Variants in MORC1 observed in about 807,000 individuals in gnomAD.
MORC1 encodes MORC family CW-type zinc finger protein 1.
Under a neutral mutation model 134.9 loss-of-function variants are expected in MORC1, and 59 were observed. The ratio of observed to expected loss-of-function variants is 0.44; its 90% CI spans 0.35 to 0.54. MORC1 has a LOEUF of 0.54. MORC1 is among the 20% of genes least tolerant of loss of function. MORC1 has a pLI of 0.00. For missense variants in MORC1, 947 were observed against 1,134.5 expected, an observed-to-expected ratio of 0.83 and a Z score of 2.37; for synonymous variants, 395 against 391.7, an observed-to-expected ratio of 1.01 and a Z score of -0.10.
At chr3:109,010,486 T>G (rs1948657552) in intron 17 of MORC1, among the ~76,000 whole-genome samples, 1 of 152,224 alleles carries the variant, frequency 6.6e-6, no homozygotes, top group Non-Finnish European at 1.5e-5. Flanking sequence ...AATTTCCTTC[T>G]GATGTGCATT....
intron 14 of MORC1, among the ~76,000 whole-genome samples, chr3:109,045,672 G>A (rs1038714029): frequency 1.3e-5 from 2 of 152,200 alleles, no homozygotes; most frequent in African/African-American, 4.8e-5. Flanking sequence ...TGGTGAAGAT[G>A]CTACAGTCCT....
chr3:109,077,814 A>G (rs930969970), intron 8 of MORC1, among the ~76,000 whole-genome samples: 3 of 152,022 alleles, frequency 2.0e-5, no homozygotes, highest in African/African-American at 7.3e-5. Context: ...AAAAGACAGA[A>G]GCAGTTAGAA....
chr3:109,071,414 T>G (rs1271803785), intron 8 of MORC1, among the ~76,000 whole-genome samples: 1 of 152,098 alleles, frequency 6.6e-6, no homozygotes. Flanking sequence ...CAGTAACTAG[T>G]TATAGGTAAA....
intron 14 of MORC1, 26 bp downstream of exon 14, chr3:109,054,702 T>C (rs748523535): frequency 6.7e-7 from 1 of 1,487,278 alleles, no homozygotes; most frequent in Non-Finnish European, 8.9e-7. Flanking sequence ...TGTAAGTATC[T>C]CCTACTATGA....
chr3:108,963,367 T>C, intron 27 of MORC1, 47 bp downstream of exon 27: 1 of 1,497,854 alleles, frequency 6.7e-7, no homozygotes, highest in South Asian at 1.2e-5. Context: ...TGAGTTCTCG[T>C]TCCATAGAGT....
intron 17 of MORC1, among the ~76,000 whole-genome samples, chr3:109,018,385 ATG>A (rs1948868047): frequency 6.6e-6 from 1 of 152,128 alleles, no homozygotes; most frequent in Non-Finnish European, 1.5e-5. Flanking sequence ...CCCTGGAAAT[ATG>A]TGTTTACATT....
Position 109,096,189 on chromosome 3 carries a change from T to G in MORC1, c.424-1121A>C, listed in dbSNP as rs146963922. Among the ~76,000 whole-genome samples the G allele has an allele frequency of 6.6e-3, 1,008 of 152,294 alleles. 15 individuals carry two copies. The highest frequency in any genetic ancestry group is 0.023 in the African/African-American group (975 of 41,558). Reference sequence around the variant, plus strand: ...AGAAAGACTTCTTGGAAATTAAGAATATGATTACAGAAAAAAATTCAGTGA... The same window carrying G: ...AGAAAGACTTCTTGGAAATTAAGAAGATGATTACAGAAAAAAATTCAGTGA... On this transcript the variant is annotated intron_variant, in intron 6 of 27. Coordinates refer to ENST00000232603, the MANE Select transcript of MORC1 (RefSeq NM_014429.4).
chr3:109,067,247 T>C lies in MORC1; in HGVS notation c.815+2385A>G, dbSNP rs140369069. ...ATGTTAATGAAGAATGTTTGTTGCC[T>C]AAAATCAAGTAACACAACCATATAA... On this transcript the variant is annotated intron_variant, in intron 9 of 27. Coordinates refer to ENST00000232603, the MANE Select transcript of MORC1 (RefSeq NM_014429.4). 4.4e-4 allele frequency among the ~76,000 whole-genome samples: 67 copies of C among 152,348 alleles called. No individual in the cohort carries two copies. The East Asian group carries it at 8.7e-3, about 20-fold the overall frequency.
At chr3:109,090,620 C>CAAAAA (rs34093019) in intron 8 of MORC1, among the ~76,000 whole-genome samples, 4 of 54,664 alleles carry the variant, frequency 7.3e-5, no homozygotes, top group Admixed American at 2.1e-4. Flanking sequence ...AACTCCGTCT[C>CAAAAA]AAAAAAAAAA....
intron 2 of MORC1, among the ~76,000 whole-genome samples, chr3:109,111,651 G>T (rs1422346651): frequency 6.6e-6 from 1 of 152,174 alleles, no homozygotes. Flanking sequence ...GCATAGGCAA[G>T]GAAGACTTAG....
intron 3 of MORC1, among the ~76,000 whole-genome samples, chr3:109,106,906 C>T (rs1377033209): frequency 6.6e-6 from 1 of 152,146 alleles, no homozygotes; most frequent in Non-Finnish European, 1.5e-5. Context: ...CCAATGCTCT[C>T]AGGATAAAAT....
chr3:109,054,642 G>T, intron 14 of MORC1, 86 bp downstream of exon 14: 1 of 1,232,514 alleles, frequency 8.1e-7, no homozygotes, highest in Non-Finnish European at 1.1e-6. Context: ...CTGGTAATCT[G>T]AATTCAGATA....
chr3:109,094,662 T>G (rs898299618), intron 7 of MORC1, among the ~76,000 whole-genome samples: 1 of 152,138 alleles, frequency 6.6e-6, no homozygotes, highest in Admixed American at 6.6e-5. Context: ...GCCTGTATCA[T>G]CCTCTTCTTA....
intron 14 of MORC1, among the ~76,000 whole-genome samples, chr3:109,039,493 C>CACCACCTAG (rs1394124544): frequency 6.6e-6 from 1 of 152,198 alleles, no homozygotes; most frequent in African/African-American, 2.4e-5. Context: ...AAGTCTGTTT[C>CACCACCTAG]ACCACCTAGA....
chr3:109,072,547 G>T (rs1035098552), intron 8 of MORC1, among the ~76,000 whole-genome samples: 1 of 152,144 alleles, frequency 6.6e-6, no homozygotes, highest in Non-Finnish European at 1.5e-5. Flanking sequence ...AAAATATGTT[G>T]AATAAATGAC....
intron 20 of MORC1, among the ~76,000 whole-genome samples, chr3:109,004,098 A>G (rs1948479939): frequency 6.6e-6 from 1 of 152,110 alleles, no homozygotes. Context: ...TAAGAATAAG[A>G]ATAATTCCTT....
chr3:109,069,976 CT>C (rs975429589), intron 8 of MORC1, among the ~76,000 whole-genome samples: 1 of 152,208 alleles, frequency 6.6e-6, no homozygotes, highest in Non-Finnish European at 1.5e-5. Context: ...ATAACCTACA[CT>C]TTGGTTACAA....
intron 21 of MORC1, among the ~76,000 whole-genome samples, chr3:108,997,727 G>C (rs1948274135): frequency 6.6e-6 from 1 of 152,052 alleles, no homozygotes; most frequent in African/African-American, 2.4e-5. Context: ...CAATGGTAGG[G>C]TTAAATATGA....
At chr3:109,024,431 T>A (rs1949028276) in intron 17 of MORC1, among the ~76,000 whole-genome samples, 1 of 152,250 alleles carries the variant, frequency 6.6e-6, no homozygotes, top group African/African-American at 2.4e-5. Flanking sequence ...CATTTTCTCC[T>A]ATGGGACAAC....
Sources: gnomAD v4.1 joint callset for allele counts (sites outside exome capture counted in the v4.1 genomes callset) on GRCh38, gnomAD v4.1.1 for gene constraint, MANE v1.5 for transcripts, NCBI Gene and HGNC (gene_info 2026-07-23, HGNC 2026-07-21) for gene names.